SPIDR: variants seen among roughly 807,000 people sequenced by gnomAD.
SPIDR encodes scaffold protein involved in DNA repair, also known as DNA repair-scaffolding protein.
A neutral mutation model predicts 104.6 loss-of-function variants in SPIDR; 93 were observed. That is an observed-to-expected ratio of 0.89 (90% CI 0.75 to 1.06). SPIDR has a LOEUF of 1.06. SPIDR is among the 50% of genes least tolerant of loss of function. SPIDR has a pLI of 0.00. For synonymous variants in SPIDR, 431 were observed against 416.9 expected (o/e 1.03, Z -0.41); for missense variants, 1,154 against 1,111.2 (o/e 1.04, Z -0.55).
At chr8:47,493,571 C>T (rs2079042561) in intron 8 of SPIDR, among the ~76,000 whole-genome samples, 1 of 152,190 alleles carries the variant, frequency 6.6e-6, no homozygotes, top group Non-Finnish European at 1.5e-5. Context: ...AGAAGAATTG[C>T]AAACCCTGAT....
At chr8:47,341,055 G>T (rs541071940) in intron 5 of SPIDR, among the ~76,000 whole-genome samples, 3 of 152,252 alleles carry the variant, frequency 2.0e-5, no homozygotes, top group South Asian at 4.2e-4. Flanking sequence ...CAGTCAGCTT[G>T]GGGGGGATGC....
chr8:47,659,777 T>G (rs2073766529), intron 10 of SPIDR: 1 of 948,154 alleles, frequency 1.1e-6, no homozygotes. Flanking sequence ...TTTTTTTCCT[T>G]GGGTTGAAGC....
intron 5 of SPIDR, among the ~76,000 whole-genome samples, chr8:47,367,093 C>T (rs1430855650): frequency 7.2e-5 from 11 of 152,078 alleles, no homozygotes; most frequent in Non-Finnish European, 1.5e-4. Context: ...TGGGCTTGAC[C>T]CATTTGCCAG....
intron 11 of SPIDR, 132 bp downstream of exon 11, chr8:47,674,073 GC>G: frequency 8.6e-7 from 1 of 1,157,250 alleles, no homozygotes; most frequent in Non-Finnish European, 1.2e-6. Context: ...ATAAAACAAG[GC>G]CAGGAGTTGA....
intron 10 of SPIDR, among the ~76,000 whole-genome samples, chr8:47,610,354 G>A (rs549669530): frequency 6.6e-6 from 1 of 152,206 alleles, no homozygotes; most frequent in Non-Finnish European, 1.5e-5. Flanking sequence ...GGGAGACAGA[G>A]CACACAGCCT....
chr8:47,353,286 C>G, intron 5 of SPIDR, among the ~76,000 whole-genome samples: 1 of 152,062 alleles, frequency 6.6e-6, no homozygotes, highest in East Asian at 1.9e-4. Flanking sequence ...CCCTTGTGGC[C>G]GAATTAGCAG....
chr8:47,324,320 TATCCCCC>T (rs1318620249), intron 5 of SPIDR, among the ~76,000 whole-genome samples: 8 of 146,630 alleles, frequency 5.5e-5, no homozygotes, highest in African/African-American at 7.3e-5. Flanking sequence ...TTCTTTCCCC[TATCCCCC>T]ATCCCCCATC....
chr8:47,431,239 C>G (rs1422253370), intron 7 of SPIDR, among the ~76,000 whole-genome samples: 1 of 152,202 alleles, frequency 6.6e-6, no homozygotes, highest in African/African-American at 2.4e-5. Context: ...GAGACTAAGC[C>G]TGTCAGATCA....
intron 8 of SPIDR, among the ~76,000 whole-genome samples, chr8:47,503,887 C>G (rs1484660427): frequency 2.0e-5 from 3 of 152,178 alleles, no homozygotes; most frequent in Admixed American, 2.0e-4. Flanking sequence ...TTCTCCTTCA[C>G]TCATGAAGCT....
intron 8 of SPIDR, among the ~76,000 whole-genome samples, chr8:47,531,508 C>G (rs189004348): frequency 6.6e-6 from 1 of 152,256 alleles, no homozygotes; most frequent in South Asian, 2.1e-4. Context: ...GAGAATACAC[C>G]GTGAACATTC....
chr8:47,643,349 A>T (rs2069552423), intron 10 of SPIDR, among the ~76,000 whole-genome samples: 1 of 151,824 alleles, frequency 6.6e-6, no homozygotes. Flanking sequence ...ATTTATTTTA[A>T]TTTTTTATTT....
chr8:47,700,622 C>A, intron 12 of SPIDR, 132 bp downstream of exon 12: 1 of 847,020 alleles, frequency 1.2e-6, no homozygotes, highest in Non-Finnish European at 1.9e-6. Context: ...CCCATGCAGT[C>A]AGTTCCTTTG....
intron 11 of SPIDR, among the ~76,000 whole-genome samples, chr8:47,693,307 A>C (rs2078924461): frequency 6.6e-6 from 1 of 152,248 alleles, no homozygotes; most frequent in Non-Finnish European, 1.5e-5. Context: ...GTTTAATATT[A>C]AATGAATGAA....
At chr8:47,728,552 G>C (rs1195014847) in intron 17 of SPIDR, among the ~76,000 whole-genome samples, 1 of 152,152 alleles carries the variant, frequency 6.6e-6, no homozygotes, top group Non-Finnish European at 1.5e-5. Flanking sequence ...GAAGAGATGA[G>C]CACATGTGCA....
At chr8:47,688,544 T>G (rs1043924034) in intron 11 of SPIDR, 1 of 152,264 alleles carries the variant, frequency 6.6e-6, no homozygotes, top group Non-Finnish European at 1.5e-5. Flanking sequence ...ATAAACCTTG[T>G]AAGTTTCTTC....
chr8:47,537,969 G>A (rs1241284714), intron 8 of SPIDR, among the ~76,000 whole-genome samples: 1 of 152,138 alleles, frequency 6.6e-6, no homozygotes, highest in Non-Finnish European at 1.5e-5. Context: ...TTGAGGTCAG[G>A]AGTTCGAGAC....
intron 1 of SPIDR, among the ~76,000 whole-genome samples, chr8:47,274,474 A>T (rs2035961155): frequency 6.6e-6 from 1 of 152,156 alleles, no homozygotes; most frequent in Non-Finnish European, 1.5e-5. Context: ...GAGAAGTAAA[A>T]TTGTAAAGTT....
At chr8:47,290,693 T>A (rs917121512) in intron 3 of SPIDR, among the ~76,000 whole-genome samples, 1 of 152,232 alleles carries the variant, frequency 6.6e-6, no homozygotes, top group Non-Finnish European at 1.5e-5. Context: ...TTTTAAAAAA[T>A]TTTTTGTTTT....
At chr8:47,627,581 C>A (rs1460082308) in intron 10 of SPIDR, among the ~76,000 whole-genome samples, 1 of 152,162 alleles carries the variant, frequency 6.6e-6, no homozygotes, top group Admixed American at 6.5e-5. Flanking sequence ...GCTCAGGATA[C>A]TCTGTCTCTG....
Sources: allele counts gnomAD v4.1 joint callset (sites outside exome capture counted in the v4.1 genomes callset), GRCh38; gene constraint gnomAD v4.1.1; transcripts MANE v1.5; gene names NCBI Gene and HGNC (gene_info 2026-07-23, HGNC 2026-07-21).